MACROD2: variants seen among roughly 807,000 people sequenced by gnomAD.
MACROD2 encodes the protein ADP-ribose glycohydrolase MACROD2.
MACROD2 carries 36 observed loss-of-function variants against 70.4 expected under a neutral mutation model. That is an observed-to-expected ratio of 0.51 (90% CI 0.39 to 0.68). The LOEUF is 0.68. MACROD2 is among the 30% of genes least tolerant of loss of function. The pLI is 0.00. For synonymous variants in MACROD2, 172 were observed against 178.8 expected, an observed-to-expected ratio of 0.96 and a Z score of 0.30; for missense variants, 496 against 538.4, an observed-to-expected ratio of 0.92 and a Z score of 0.78.
intron 9 of MACROD2, among the ~76,000 whole-genome samples, chr20:15,863,922 TA>T (rs1410974347): frequency 6.6e-6 from 1 of 152,228 alleles, no homozygotes; most frequent in East Asian, 1.9e-4. Context: ...TCCCTAATTT[TA>T]TAATTGAAAG....
chr20:14,028,913 T>C (rs1402179052), intron 2 of MACROD2, among the ~76,000 whole-genome samples: 1 of 152,220 alleles, frequency 6.6e-6, no homozygotes, highest in Non-Finnish European at 1.5e-5. Flanking sequence ...TGTCTGTTTT[T>C]CCACAGAGTA....
At chr20:15,764,291 T>C (rs946064323) in intron 8 of MACROD2, among the ~76,000 whole-genome samples, 11 of 152,010 alleles carry the variant, frequency 7.2e-5, no homozygotes, top group African/African-American at 2.4e-4. Flanking sequence ...ATGAACACTG[T>C]CACATATCAT....
At chr20:14,277,094 T>G (rs2082265636) in intron 3 of MACROD2, among the ~76,000 whole-genome samples, 1 of 152,070 alleles carries the variant, frequency 6.6e-6, no homozygotes, top group Non-Finnish European at 1.5e-5. Flanking sequence ...GGCTAGCTGA[T>G]GATTTGAGAT....
chr20:15,985,005 G>T (rs2147463865), intron 13 of MACROD2, among the ~76,000 whole-genome samples: 1 of 152,206 alleles, frequency 6.6e-6, no homozygotes, highest in Non-Finnish European at 1.5e-5. Context: ...AGGTTACCTT[G>T]TGCCATACTT....
At chr20:15,172,769 G>A (rs1402317588) in intron 5 of MACROD2, among the ~76,000 whole-genome samples, 1 of 152,208 alleles carries the variant, frequency 6.6e-6, no homozygotes, top group Non-Finnish European at 1.5e-5. Flanking sequence ...GACTAGTCAA[G>A]TGCAGATTAA....
chr20:15,158,895 T>G (rs2076327927), intron 5 of MACROD2, among the ~76,000 whole-genome samples: 1 of 152,156 alleles, frequency 6.6e-6, no homozygotes, highest in Admixed American at 6.6e-5. Context: ...AATACACATT[T>G]ATCACCAGGA....
chr20:15,565,598 G>T (rs1313390089), intron 8 of MACROD2, among the ~76,000 whole-genome samples: 7 of 152,108 alleles, frequency 4.6e-5, no homozygotes, highest in Non-Finnish European at 7.4e-5. Context: ...ACAAGTCATG[G>T]GTACAGTTGG....
chr20:14,463,544 T>A (rs1176539414), intron 3 of MACROD2, among the ~76,000 whole-genome samples: 1 of 152,098 alleles, frequency 6.6e-6, no homozygotes, highest in Admixed American at 6.6e-5. Flanking sequence ...TCCTGCCTGA[T>A]TGCCCTGACC....
At chr20:14,097,232 A>G (rs2054240130) in intron 3 of MACROD2, among the ~76,000 whole-genome samples, 1 of 152,210 alleles carries the variant, frequency 6.6e-6, no homozygotes, top group Admixed American at 6.5e-5. Flanking sequence ...CCATTGGTCA[A>G]AGAGCTTTGG....
chr20:14,422,452 T>A (rs1372950887), intron 3 of MACROD2, among the ~76,000 whole-genome samples: 1 of 152,214 alleles, frequency 6.6e-6, no homozygotes, highest in East Asian at 1.9e-4. Flanking sequence ...CCATTTGTTA[T>A]TTGTTTTCTT....
intron 5 of MACROD2, among the ~76,000 whole-genome samples, chr20:14,991,713 G>A (rs1489119853): frequency 6.6e-6 from 1 of 152,238 alleles, no homozygotes; most frequent in Non-Finnish European, 1.5e-5. Flanking sequence ...TTTGGGGGAA[G>A]ATGAAAGGGT....
intron 6 of MACROD2, among the ~76,000 whole-genome samples, chr20:15,347,458 A>C (rs1300515499): frequency 6.6e-6 from 1 of 152,156 alleles, no homozygotes; most frequent in Non-Finnish European, 1.5e-5. Flanking sequence ...TTATGTTTTG[A>C]GGATCCATAT....
chr20:14,036,128 C>T (rs2053306378), intron 2 of MACROD2, among the ~76,000 whole-genome samples: 1 of 149,362 alleles, frequency 6.7e-6, no homozygotes, highest in African/African-American at 2.5e-5. Context: ...GGTGACAGAG[C>T]GAGACTCCGT....
chr20:14,365,918 T>C (rs1034125535), intron 3 of MACROD2, among the ~76,000 whole-genome samples: 3 of 152,232 alleles, frequency 2.0e-5, no homozygotes, highest in African/African-American at 7.2e-5. Context: ...TTCCAGTTTT[T>C]CTTCTGTTAT....
At chr20:15,747,968 C>T (rs1214697734) in intron 8 of MACROD2, among the ~76,000 whole-genome samples, 2 of 151,750 alleles carry the variant, frequency 1.3e-5, no homozygotes, top group Non-Finnish European at 2.9e-5. Flanking sequence ...AGGGTTTTGT[C>T]CTCTGCAGAT....
chr20:16,041,305 T>C, intron 16 of MACROD2, 27 bp downstream of exon 16: 2 of 1,569,616 alleles, frequency 1.3e-6, no homozygotes, highest in Non-Finnish European at 1.7e-6. Context: ...TTGGAGCCCA[T>C]GGAAACTACA....
At chr20:15,262,852 G>T (rs1309632024) in intron 6 of MACROD2, among the ~76,000 whole-genome samples, 1 of 151,876 alleles carries the variant, frequency 6.6e-6, no homozygotes, top group Non-Finnish European at 1.5e-5. Flanking sequence ...GTCTTCTTTT[G>T]AGAAATGTCT....
At chr20:15,855,571 C>A (rs2064347648) in intron 8 of MACROD2, among the ~76,000 whole-genome samples, 1 of 152,106 alleles carries the variant, frequency 6.6e-6, no homozygotes, top group Admixed American at 6.5e-5. Flanking sequence ...AACACAGTTC[C>A]TGAGTGCACA....
chr20:15,512,317 G>A (rs1056869647), intron 8 of MACROD2, among the ~76,000 whole-genome samples: 39 of 152,186 alleles, frequency 2.6e-4, no homozygotes, highest in African/African-American at 9.2e-4. Flanking sequence ...AACAGTAGAG[G>A]CCTTTTGCCA....
Sources: allele counts gnomAD v4.1 joint callset (sites outside exome capture counted in the v4.1 genomes callset), GRCh38; gene constraint gnomAD v4.1.1; transcripts MANE v1.5; gene names NCBI Gene and HGNC (gene_info 2026-07-23, HGNC 2026-07-21).